STAU2: variants seen among roughly 807,000 people sequenced by gnomAD.
STAU2 encodes the protein staufen double-stranded RNA binding protein 2.
A neutral mutation model predicts 65.9 loss-of-function variants in STAU2; 20 were observed. The ratio of observed to expected loss-of-function variants is 0.30; its 90% CI spans 0.21 to 0.44. The LOEUF is 0.44. Among genes scored for constraint, STAU2 ranks in the 20% least tolerant of loss-of-function variants. The pLI is 1.00. For synonymous variants in STAU2, 232 were observed against 233.9 expected, an observed-to-expected ratio of 0.99 and a Z score of 0.07; for missense variants, 558 against 683.9, an observed-to-expected ratio of 0.82 and a Z score of 2.05.
At chr8:73,484,819 C>T (rs996795423) in intron 13 of STAU2, among the ~76,000 whole-genome samples, 1 of 152,044 alleles carries the variant, frequency 6.6e-6, no homozygotes, top group African/African-American at 2.4e-5. Flanking sequence ...GATGTGAGCA[C>T]ACTAGAGGTT....
At chr8:73,633,015 C>T (rs111644715) in intron 6 of STAU2, among the ~76,000 whole-genome samples, 1 of 152,104 alleles carries the variant, frequency 6.6e-6, no homozygotes, top group Non-Finnish European at 1.5e-5. Flanking sequence ...ACAATTTCTG[C>T]TTATACACAG....
intron 6 of STAU2, among the ~76,000 whole-genome samples, chr8:73,671,168 T>C (rs1181521880): frequency 6.6e-6 from 1 of 152,168 alleles, no homozygotes; most frequent in Non-Finnish European, 1.5e-5. Context: ...AGGTGGCTCA[T>C]GTCTGCAATC....
chr8:73,424,075 C>T (rs1249141626), intron 13 of STAU2, among the ~76,000 whole-genome samples: 1 of 152,016 alleles, frequency 6.6e-6, no homozygotes, highest in African/African-American at 2.4e-5. Flanking sequence ...CCACCAGCCC[C>T]CTGGCAACCA....
chr8:73,422,721 A>G lies in STAU2; in HGVS notation c.1531-19T>C, dbSNP rs1290447162. 7 of 1,439,218 alleles carry G rather than the reference A, an allele frequency of 4.9e-6. No individual in the cohort carries two copies. The highest frequency in any genetic ancestry group is 6.4e-6 in the Non-Finnish European group (7 of 1,096,870). 89.2% of individuals were successfully genotyped at this position (1,439,218 alleles called of 1,614,324 possible). ...AGGCTGCCTAAAAATGAAAACAAAC[A>G]GAGAGAGCCATTCACTGACTCTAGT... On this transcript the variant is annotated intron_variant, in intron 13 of 14. Transcript: ENST00000524300.
chr8:73,551,887 T>C (rs909934738), intron 13 of STAU2, 125 bp downstream of exon 13: 1 of 1,349,980 alleles, frequency 7.4e-7, no homozygotes, highest in African/African-American at 1.5e-5. Context: ...TGTTCCTAAA[T>C]AACTTAAAAC....
intron 12 of STAU2, among the ~76,000 whole-genome samples, chr8:73,576,548 G>C (rs925472890): frequency 1.3e-5 from 2 of 152,070 alleles, no homozygotes; most frequent in Admixed American, 6.6e-5. Flanking sequence ...GCCAATGGGG[G>C]ATATGAAAGA....
intron 6 of STAU2, among the ~76,000 whole-genome samples, chr8:73,643,374 C>T (rs970242071): frequency 1.3e-5 from 2 of 152,178 alleles, no homozygotes; most frequent in East Asian, 1.9e-4. Context: ...AAATCACTTG[C>T]ATCTGAGTCC....
intron 6 of STAU2, among the ~76,000 whole-genome samples, chr8:73,664,757 G>A (rs771014105): frequency 6.6e-5 from 10 of 152,126 alleles, no homozygotes; most frequent in Non-Finnish European, 1.3e-4. Context: ...TTGGGAGGAC[G>A]AGGTGGGCAG....
Position 73,547,451 on chromosome 8 carries a change from G to A in STAU2, c.1530+4561C>T, listed in dbSNP as rs138878792. Among the ~76,000 whole-genome samples the A allele has an allele frequency of 6.6e-4, 100 of 152,050 alleles. 1 individual carries two copies. The highest frequency in any genetic ancestry group is 2.1e-3 in the African/African-American group (87 of 41,454). ...GTGTGTTATGTTTGCATATCCCTTG[G>A]ACTTTGGCCTGCATATCAAAGTCTA... is the stretch of plus-strand genomic sequence containing the variant. On this transcript the variant is annotated intron_variant, in intron 13 of 14. Coordinates refer to ENST00000524300, the MANE Select transcript of STAU2 (RefSeq NM_001164380.2).
At chr8:73,433,626 G>A (rs780972105) in intron 13 of STAU2, among the ~76,000 whole-genome samples, 7 of 150,562 alleles carry the variant, frequency 4.6e-5, no homozygotes, top group Non-Finnish European at 1.0e-4. Flanking sequence ...TCAGCCTCCC[G>A]AGTAGCTGGG....
chr8:73,664,884 C>T (rs1035632621), intron 6 of STAU2, among the ~76,000 whole-genome samples: 12 of 151,806 alleles, frequency 7.9e-5, no homozygotes, highest in East Asian at 7.7e-4. Flanking sequence ...CCCAGGTACT[C>T]GGGAAATTGA....
intron 13 of STAU2, among the ~76,000 whole-genome samples, chr8:73,543,478 G>C (rs1291118035): frequency 6.6e-6 from 1 of 152,154 alleles, no homozygotes; most frequent in Non-Finnish European, 1.5e-5. Context: ...AAGACACTAA[G>C]TCATGGTTTA....
chr8:73,670,239 T>C (rs953235670), intron 6 of STAU2, among the ~76,000 whole-genome samples: 1 of 152,160 alleles, frequency 6.6e-6, no homozygotes, highest in African/African-American at 2.4e-5. Flanking sequence ...CTGGGAAGCC[T>C]GCCATTGTAT....
chr8:73,559,831 C>T (rs1808065925), intron 12 of STAU2, among the ~76,000 whole-genome samples: 1 of 152,042 alleles, frequency 6.6e-6, no homozygotes, highest in Non-Finnish European at 1.5e-5. Context: ...CAGATAAGGC[C>T]CTCAGACCCT....
At chr8:73,422,139 C>T (rs936630087) in intron 14 of STAU2, among the ~76,000 whole-genome samples, 12 of 152,146 alleles carry the variant, frequency 7.9e-5, no homozygotes, top group Non-Finnish European at 1.8e-4. Flanking sequence ...GCAATGTGTG[C>T]TGGTGTTTCA....
intron 3 of STAU2, among the ~76,000 whole-genome samples, chr8:73,730,466 C>T (rs1241394957): frequency 1.3e-5 from 2 of 152,222 alleles, no homozygotes; most frequent in Admixed American, 6.5e-5. Flanking sequence ...GTGGCTCACG[C>T]CTATAATCCC....
intron 13 of STAU2, among the ~76,000 whole-genome samples, chr8:73,427,557 G>A (rs1306601431): frequency 6.6e-6 from 1 of 152,236 alleles, no homozygotes; most frequent in Admixed American, 6.5e-5. Flanking sequence ...CTCTCAGGGA[G>A]CTTTGATTCA....
At chr8:73,539,163 CT>C (rs1159972081) in intron 13 of STAU2, among the ~76,000 whole-genome samples, 1 of 152,168 alleles carries the variant, frequency 6.6e-6, no homozygotes, top group Non-Finnish European at 1.5e-5. Context: ...ATTCAGAGGA[CT>C]GTAAACAGAA....
chr8:73,648,007 A>G (rs1242999005), intron 6 of STAU2, among the ~76,000 whole-genome samples: 1 of 152,244 alleles, frequency 6.6e-6, no homozygotes, highest in Non-Finnish European at 1.5e-5. Context: ...ACAAGTCTGT[A>G]AAATGTAACC....
Sources: allele counts gnomAD v4.1 joint callset (sites outside exome capture counted in the v4.1 genomes callset), GRCh38; gene constraint gnomAD v4.1.1; transcripts MANE v1.5; gene names NCBI Gene and HGNC (gene_info 2026-07-23, HGNC 2026-07-21).